ABTB3: variants seen among roughly 807,000 people sequenced by gnomAD.
ABTB3 encodes the protein ankyrin repeat- and BTB/POZ domain-containing protein 3.
the ABTB3 span, among the ~76,000 whole-genome samples, chr12:107,441,774 C>CAAAAAAAA: frequency 5.1e-3 from 411 of 80,018 alleles, 10 homozygotes; most frequent in Non-Finnish European, 7.4e-3. Flanking sequence ...CTTGTCTCTA[C>CAAAAAAAA]AAAAAAAAAA....
At chr12:107,523,324 CCT>C in the ABTB3 span, among the ~76,000 whole-genome samples, 1 of 152,200 alleles carries the variant, frequency 6.6e-6, no homozygotes, top group African/African-American at 2.4e-5. Context: ...TCCCTTCAAA[CCT>C]CTGAAGTCAC....
At chr12:107,349,895 T>C in the ABTB3 span, among the ~76,000 whole-genome samples, 1 of 152,238 alleles carries the variant, frequency 6.6e-6, no homozygotes, top group African/African-American at 2.4e-5. Flanking sequence ...GACAGAGTGC[T>C]GTGGAAACAT....
the ABTB3 span, among the ~76,000 whole-genome samples, chr12:107,582,445 C>T: frequency 1.3e-5 from 2 of 152,162 alleles, no homozygotes; most frequent in South Asian, 2.1e-4. Flanking sequence ...GATCATAGTT[C>T]TAACCACTGA....
At chr12:107,592,710 T>C in the ABTB3 span, among the ~76,000 whole-genome samples, 2 of 152,334 alleles carry the variant, frequency 1.3e-5, no homozygotes, top group Admixed American at 6.5e-5. Context: ...AATTTATATA[T>C]GTAGTAAAAA....
the ABTB3 span, among the ~76,000 whole-genome samples, chr12:107,341,615 T>A: frequency 6.6e-6 from 1 of 152,192 alleles, no homozygotes; most frequent in African/African-American, 2.4e-5. Flanking sequence ...TGTTTGGCTA[T>A]GATCAGCATC....
chr12:107,433,232 G>A, the ABTB3 span, among the ~76,000 whole-genome samples: 1 of 143,096 alleles, frequency 7.0e-6, no homozygotes, highest in South Asian at 2.3e-4. Flanking sequence ...GGAGCTTGCA[G>A]TGAGCCGAGA....
the ABTB3 span, among the ~76,000 whole-genome samples, chr12:107,453,771 A>G: frequency 6.6e-6 from 1 of 152,232 alleles, no homozygotes; most frequent in Non-Finnish European, 1.5e-5. Flanking sequence ...GCCCCCAGAC[A>G]AGAAGGGATG....
At chr12:107,582,510 C>G in the ABTB3 span, among the ~76,000 whole-genome samples, 7 of 152,198 alleles carry the variant, frequency 4.6e-5, no homozygotes, top group Non-Finnish European at 8.8e-5. Flanking sequence ...TGCCACCATG[C>G]CTTGTACCTT....
At chr12:107,470,486 G>A in the ABTB3 span, among the ~76,000 whole-genome samples, 1 of 152,100 alleles carries the variant, frequency 6.6e-6, no homozygotes, top group Non-Finnish European at 1.5e-5. Flanking sequence ...CGGGCCCAGT[G>A]TCCTTTGCCC....
the ABTB3 span, among the ~76,000 whole-genome samples, chr12:107,322,805 C>G: frequency 1.2e-4 from 18 of 152,222 alleles, no homozygotes; most frequent in Non-Finnish European, 2.2e-4. Flanking sequence ...AGTCCGTACT[C>G]TTAACTCCTG....
At chr12:107,459,295 C>A in the ABTB3 span, among the ~76,000 whole-genome samples, 1 of 152,156 alleles carries the variant, frequency 6.6e-6, no homozygotes, top group Non-Finnish European at 1.5e-5. Context: ...CTCACATTGC[C>A]GCACTGAACC....
chr12:107,431,413 A>C, the ABTB3 span, among the ~76,000 whole-genome samples: 1 of 152,232 alleles, frequency 6.6e-6, no homozygotes, highest in Non-Finnish European at 1.5e-5. Context: ...GTTCGAGACC[A>C]GCCTGGCCAA....
the ABTB3 span, among the ~76,000 whole-genome samples, chr12:107,329,038 G>A: frequency 6.6e-6 from 1 of 152,180 alleles, no homozygotes; most frequent in African/African-American, 2.4e-5. Context: ...GAGGCCCTGG[G>A]GAAATAGCTG....
At chr12:107,657,008 G>A in the ABTB3 span, among the ~76,000 whole-genome samples, 5 of 152,038 alleles carry the variant, frequency 3.3e-5, no homozygotes, top group East Asian at 1.9e-4. Flanking sequence ...ATGCCGCTGC[G>A]CTCCAGCCTG....
chr12:107,397,462 A>T, the ABTB3 span, among the ~76,000 whole-genome samples: 1 of 151,306 alleles, frequency 6.6e-6, no homozygotes, highest in East Asian at 1.9e-4. Flanking sequence ...TTTCTATTGG[A>T]TTGCTTGTCT....
At chr12:107,644,644 G>A in the ABTB3 span, among the ~76,000 whole-genome samples, 1 of 152,146 alleles carries the variant, frequency 6.6e-6, no homozygotes. Context: ...AGGGGCACAC[G>A]CGCAAGTTCG....
chr12:107,532,336 CCCA>C, the ABTB3 span, among the ~76,000 whole-genome samples: 8 of 152,222 alleles, frequency 5.3e-5, 1 homozygote, highest in Admixed American at 4.6e-4. Flanking sequence ...CAAGGACTGG[CCCA>C]TCCAGCATCC....
the ABTB3 span, among the ~76,000 whole-genome samples, chr12:107,513,312 C>G: frequency 6.6e-6 from 1 of 152,140 alleles, no homozygotes. Context: ...GTCCCCACCC[C>G]CTCACCTTGA....
At chr12:107,373,813 AG>A in the ABTB3 span, among the ~76,000 whole-genome samples, 25 of 152,218 alleles carry the variant, frequency 1.6e-4, no homozygotes, top group Admixed American at 3.9e-4. Flanking sequence ...CCCGTAACTC[AG>A]CATCCTGCGC....
Sources: gnomAD v4.1 joint callset for allele counts (sites outside exome capture counted in the v4.1 genomes callset) on GRCh38, gnomAD v4.1.1 for gene constraint, MANE v1.5 for transcripts, NCBI Gene and HGNC (gene_info 2026-07-23, HGNC 2026-07-21) for gene names.